Variants in ZNF385D observed in about 807,000 individuals in gnomAD.
ZNF385D encodes zinc finger protein 659.
Under a neutral mutation model 35.8 loss-of-function variants are expected in ZNF385D, and 15 were observed. The ratio of observed to expected loss-of-function variants is 0.42; its 90% CI spans 0.28 to 0.64. The LOEUF is 0.64. Ranked by LOEUF, ZNF385D falls within the 30% of genes least tolerant of loss-of-function variation. ZNF385D has a pLI of 0.23. For synonymous variants in ZNF385D, 212 were observed against 186.8 expected, an observed-to-expected ratio of 1.13 and a Z score of -1.10; for missense variants, 474 against 494.6, an observed-to-expected ratio of 0.96 and a Z score of 0.39.
At chr3:21,457,220 A>G (rs1435291244) in intron 4 of ZNF385D, among the ~76,000 whole-genome samples, 1 of 152,172 alleles carries the variant, frequency 6.6e-6, no homozygotes, top group Non-Finnish European at 1.5e-5. Flanking sequence ...CAGAAAAATA[A>G]ACCCAGTACT....
chr3:21,731,594 T>C (rs1318719082), intron 1 of ZNF385D, among the ~76,000 whole-genome samples: 2 of 152,254 alleles, frequency 1.3e-5, no homozygotes, highest in African/African-American at 4.8e-5. Flanking sequence ...TGTAATGTCA[T>C]ATCCCTCATT....
intron 1 of ZNF385D, among the ~76,000 whole-genome samples, chr3:21,722,460 T>C (rs570132010): frequency 5.3e-5 from 8 of 152,342 alleles, no homozygotes; most frequent in Admixed American, 2.0e-4. Flanking sequence ...AGAAATGCAA[T>C]GGCACCCACA....
intron 2 of ZNF385D, among the ~76,000 whole-genome samples, chr3:22,285,501 GTTGTT>G (rs1412957837): frequency 4.6e-5 from 7 of 152,026 alleles, no homozygotes; most frequent in African/African-American, 1.4e-4. Context: ...AATTTTCTAT[GTTGTT>G]TTAACTGTGC....
intron 2 of ZNF385D, among the ~76,000 whole-genome samples, chr3:21,610,764 G>A (rs1304510981): frequency 7.2e-5 from 10 of 138,706 alleles, no homozygotes; most frequent in Non-Finnish European, 1.5e-4. Flanking sequence ...GACAGAGCGA[G>A]ACTCCGTCCC....
chr3:22,096,696 TAA>T (rs1701653561), intron 3 of ZNF385D, among the ~76,000 whole-genome samples: 1 of 152,010 alleles, frequency 6.6e-6, no homozygotes, highest in African/African-American at 2.4e-5. Flanking sequence ...GCAGTCAAAA[TAA>T]AGTGTCATTT....
At chr3:21,630,006 G>T (rs2065236593) in intron 2 of ZNF385D, among the ~76,000 whole-genome samples, 1 of 96,928 alleles carries the variant, frequency 1.0e-5, no homozygotes, top group South Asian at 3.0e-4. Context: ...GTGTCCCTCT[G>T]TATATTTTTC....
At chr3:21,761,543 A>C (rs1022454741) in intron 3 of ZNF385D, among the ~76,000 whole-genome samples, 3 of 152,170 alleles carry the variant, frequency 2.0e-5, no homozygotes, top group African/African-American at 7.2e-5. Flanking sequence ...ATAATGTGAG[A>C]ATGAGTGAAG....
At chr3:21,522,372 CTG>C (rs1314875689) in intron 3 of ZNF385D, among the ~76,000 whole-genome samples, 2 of 152,080 alleles carry the variant, frequency 1.3e-5, no homozygotes, top group Non-Finnish European at 2.9e-5. Flanking sequence ...GAGTCTCACT[CTG>C]TCACCCAGGC....
At chr3:22,106,148 A>G (rs557434178) in intron 3 of ZNF385D, among the ~76,000 whole-genome samples, 2 of 152,258 alleles carry the variant, frequency 1.3e-5, no homozygotes, top group South Asian at 4.1e-4. Flanking sequence ...TTGTGGCTCC[A>G]AAAATCTCCA....
chr3:21,957,079 G>C (rs1702331423), intron 3 of ZNF385D: 1 of 157,358 alleles, frequency 6.4e-6, no homozygotes, highest in South Asian at 2.0e-4. Context: ...AGATCTGATG[G>C]GTTTATCAAG....
chr3:22,186,901 A>G (rs149992708), intron 2 of ZNF385D, among the ~76,000 whole-genome samples: 1 of 152,182 alleles, frequency 6.6e-6, no homozygotes, highest in Non-Finnish European at 1.5e-5. Flanking sequence ...CACTTAAATA[A>G]TGTTACTAAC....
intron 2 of ZNF385D, among the ~76,000 whole-genome samples, chr3:22,238,527 C>G (rs1477708126): frequency 6.6e-6 from 1 of 150,742 alleles, no homozygotes; most frequent in African/African-American, 2.5e-5. Context: ...AAGTTTTACA[C>G]TTATTTTGTT....
rs142121612 is a variant in ZNF385D, at chr3:21,923,460, C to T, written c.325+245357G>A. ...GGGAAAGCAGTTTGGAGATTTCCCA[C>T]CAAACTTAAAACAGAACTACTATTT... On this transcript the variant is annotated intron_variant, in intron 3 of 5. Coordinates refer to the ZNF385D transcript ENST00000494108. 2.6e-3 allele frequency among the ~76,000 whole-genome samples: 401 copies of T among 152,196 alleles called. 1 individual carries two copies. Among genetic ancestry groups the T allele is most frequent in the African/African-American group, 9.5e-3 (394 of 41,520 alleles).
intron 2 of ZNF385D, among the ~76,000 whole-genome samples, chr3:21,657,048 C>T (rs1255285318): frequency 6.6e-6 from 1 of 151,712 alleles, no homozygotes; most frequent in Non-Finnish European, 1.5e-5. Flanking sequence ...TAAAGGATAT[C>T]TATATATAAA....
intron 3 of ZNF385D, among the ~76,000 whole-genome samples, chr3:21,819,691 CGT>C (rs995495097): frequency 3.5e-4 from 50 of 142,364 alleles, no homozygotes; most frequent in African/African-American, 1.2e-3. Flanking sequence ...TCTATGTGTA[CGT>C]GTGTATATAT....
Position 22,111,889 on chromosome 3 carries a change from A to G in ZNF385D, c.325+56928T>C, listed in dbSNP as rs558912466. Reference sequence around the variant, plus strand: ...ACAGGACAGAGAACAAACTACTGAGAAGTGAAAAGCACAGAAGAAAATACA... The same window carrying G: ...ACAGGACAGAGAACAAACTACTGAGGAGTGAAAAGCACAGAAGAAAATACA... On this transcript the variant is annotated intron_variant, in intron 3 of 5. Transcript: ENST00000494108. 8.5e-5 allele frequency among the ~76,000 whole-genome samples: 13 copies of G among 152,270 alleles called. No individual in the cohort carries two copies. The South Asian group carries it at 2.7e-3, about 32-fold the overall frequency.
intron 2 of ZNF385D, among the ~76,000 whole-genome samples, chr3:21,582,037 T>G (rs534568117): frequency 2.0e-5 from 3 of 152,274 alleles, no homozygotes; most frequent in Non-Finnish European, 4.4e-5. Context: ...CCAAATAATT[T>G]TATACAGGGT....
At chr3:21,534,789 C>T (rs1262721714) in intron 3 of ZNF385D, among the ~76,000 whole-genome samples, 2 of 152,050 alleles carry the variant, frequency 1.3e-5, no homozygotes, top group Non-Finnish European at 2.9e-5. Flanking sequence ...TGAAAGACAC[C>T]CTGATGTCCT....
chr3:21,442,077 G>T (rs1701889080), intron 4 of ZNF385D, among the ~76,000 whole-genome samples: 1 of 152,164 alleles, frequency 6.6e-6, no homozygotes, highest in African/African-American at 2.4e-5. Flanking sequence ...TGGCCCATTT[G>T]TGACCTTCGT....
Sources: allele counts gnomAD v4.1 joint callset (sites outside exome capture counted in the v4.1 genomes callset), GRCh38; gene constraint gnomAD v4.1.1; transcripts MANE v1.5; gene names NCBI Gene and HGNC (gene_info 2026-07-23, HGNC 2026-07-21).